The following TSNAX variants were observed in gnomAD, a reference collection of about 807,000 sequenced individuals.
TSNAX encodes the protein translin-associated protein X.
In TSNAX, 12 loss-of-function variants were observed where a neutral mutation model predicts 33.0. That is an observed-to-expected ratio of 0.36 (90% CI 0.23 to 0.59). The LOEUF is 0.59. Among genes scored for constraint, TSNAX ranks in the 20% least tolerant of loss-of-function variants. TSNAX has a pLI of 0.74. For synonymous variants in TSNAX, 110 were observed against 117.2 expected (o/e 0.94, Z 0.40); for missense variants, 267 against 341.3 (o/e 0.78, Z 1.72).
At position 231,542,565 on chromosome 1, in the gene TSNAX, G is replaced by A. The variant is rs762400810; in HGVS notation, c.321G>A (p.Glu107=). The change falls in exon 4 of 6, where the codon GAG becomes GAA. Residue 107 remains glutamate, a synonymous_variant. Transcript: ENST00000366639. ...AAAAGATATTCCAGGTAGCCCAAGA[G>A]CTATCAGGGGAAGATATGCATCAGT... The part of the protein sequence containing the change: ...VRQKIFQVAQ[E]LSGEDMHQFH... 2 of 1,614,036 alleles carry A rather than the reference G, an allele frequency of 1.2e-6. No homozygotes were observed. Among genetic ancestry groups the A allele is most frequent in the South Asian group, 2.2e-5 (2 of 91,086 alleles).
Position 231,565,118 on chromosome 1 carries a change from C to A in TSNAX, c.*213C>A. 1 of 549,376 alleles carries A rather than the reference C, an allele frequency of 1.8e-6. No homozygotes were observed. The highest frequency in any genetic ancestry group is 3.0e-6 in the Non-Finnish European group (1 of 333,446). 34.0% of individuals were successfully genotyped at this position (549,376 alleles called of 1,614,324 possible). On this transcript the variant is annotated 3_prime_UTR_variant, in exon 6 of 6. Transcript: ENST00000366639. ...ATGAAAGTTTGCATACAGATGTTTGCATATATGCCTTTTTGAATTTTTGCT... is the reference window on the plus strand; with the variant it reads ...ATGAAAGTTTGCATACAGATGTTTGAATATATGCCTTTTTGAATTTTTGCT...
chr1:231,538,432 T>G (rs184719984), intron 3 of TSNAX, among the ~76,000 whole-genome samples: 2 of 152,342 alleles, frequency 1.3e-5, no homozygotes, highest in African/African-American at 4.8e-5. Context: ...CACTATCTTA[T>G]GAGCAGCTGA....
At chr1:231,534,420 C>T (rs544760325) in intron 2 of TSNAX, 1 of 152,212 alleles carries the variant, frequency 6.6e-6, no homozygotes, top group South Asian at 2.1e-4. Context: ...AGTTCCGGTA[C>T]AGTAAGGTAT....
Position 231,564,817 on chromosome 1 carries a change from T to G in TSNAX, c.785T>G (p.Val262Gly). The G allele has an allele frequency of 2.5e-6, 4 of 1,614,164 alleles. No homozygotes were observed. Among genetic ancestry groups the G allele is most frequent in the Non-Finnish European group, 3.4e-6 (4 of 1,180,028 alleles). The change falls in exon 6 of 6, where the codon GTC (valine) becomes GGC (glycine). Residue 262 changes from valine (V) to glycine (G), a missense_variant. By Grantham distance (109) the Val-to-Gly change is moderately radical. Around this residue, in one of 2 missense-constraint regions of TSNAX, gnomAD observed 67 missense variants for 127.2 expected, o/e 0.53. Coordinates refer to ENST00000366639, the MANE Select transcript of TSNAX (RefSeq NM_005999.3). ...GAGAATGCTTGTTATGCCTTGAAAG[T>G]CAGAGGGTCAGAAATTCCAAAACAT... ...KVENACYALK[V>G]RGSEIPKHML...
chr1:231,545,694 A>G (rs60635711), intron 4 of TSNAX, among the ~76,000 whole-genome samples: 1 of 152,344 alleles, frequency 6.6e-6, no homozygotes, highest in African/African-American at 2.4e-5. Flanking sequence ...ATTTCGGTAC[A>G]CAAAACTAAG....
intron 4 of TSNAX, among the ~76,000 whole-genome samples, chr1:231,543,705 G>A (rs1278086033): frequency 6.6e-6 from 1 of 152,170 alleles, no homozygotes; most frequent in Non-Finnish European, 1.5e-5. Context: ...GTAAGAGAAA[G>A]TACCAGCATA....
Position 231,528,702 on chromosome 1 carries a change from A to G in TSNAX, c.-109A>G, listed in dbSNP as rs952388551. The G allele has an allele frequency of 2.3e-6, 3 of 1,328,230 alleles. No homozygotes were observed. Among genetic ancestry groups the G allele is most frequent in the Non-Finnish European group, 3.2e-6 (3 of 931,524 alleles). 82.3% of individuals were successfully genotyped at this position (1,328,230 alleles called of 1,614,324 possible). The stretch of plus-strand genomic sequence containing the variant: ...TGCGTTGTAGTCGGCCCGGCTGCAA[A>G]GCGTTTTTCTGCAGGCTGTTTTCCC... On this transcript the variant is annotated 5_prime_UTR_variant, in exon 1 of 6. Coordinates refer to ENST00000366639, the MANE Select transcript of TSNAX (RefSeq NM_005999.3).
intron 4 of TSNAX, among the ~76,000 whole-genome samples, chr1:231,554,376 C>T (rs777206229): frequency 9.9e-5 from 15 of 151,960 alleles, no homozygotes; most frequent in Non-Finnish European, 1.6e-4. Flanking sequence ...AAGGAATTTA[C>T]GGGAAAAAGT....
chr1:231,531,878 A>G (rs1459824128), intron 2 of TSNAX, among the ~76,000 whole-genome samples: 2 of 152,070 alleles, frequency 1.3e-5, no homozygotes, highest in Admixed American at 6.6e-5. Flanking sequence ...GAAATTTGCT[A>G]AGTAAGTAGA....
At chr1:231,540,953 G>A (rs551308631) in intron 3 of TSNAX, among the ~76,000 whole-genome samples, 35 of 152,236 alleles carry the variant, frequency 2.3e-4, no homozygotes, top group Admixed American at 5.9e-4. Context: ...TTATTAGAAC[G>A]TATATCTTTT....
intron 3 of TSNAX, among the ~76,000 whole-genome samples, chr1:231,541,772 T>C (rs564933155): frequency 6.6e-6 from 1 of 152,336 alleles, no homozygotes; most frequent in Admixed American, 6.5e-5. Flanking sequence ...GGGATTGTTC[T>C]GCCTGCTCAC....
chr1:231,553,665 C>T (rs1660487985), intron 4 of TSNAX, among the ~76,000 whole-genome samples: 1 of 150,644 alleles, frequency 6.6e-6, no homozygotes, highest in South Asian at 2.1e-4. Flanking sequence ...TAGCATGAAA[C>T]CTAATTTCTT....
chr1:231,531,148 G>A (rs1238333832), intron 2 of TSNAX, among the ~76,000 whole-genome samples: 1 of 152,038 alleles, frequency 6.6e-6, no homozygotes, highest in Non-Finnish European at 1.5e-5. Flanking sequence ...TGTAGAGACA[G>A]GGTTTCGCCA....
chr1:231,554,813 A>C (rs1660583010), intron 4 of TSNAX: 1 of 152,200 alleles, frequency 6.6e-6, no homozygotes, highest in African/African-American at 2.4e-5. Flanking sequence ...AGAAGCAGGT[A>C]AGATGGGAAG....
chr1:231,547,222 T>C (rs1399460406), intron 4 of TSNAX, among the ~76,000 whole-genome samples: 1 of 152,166 alleles, frequency 6.6e-6, no homozygotes, highest in Non-Finnish European at 1.5e-5. Context: ...CTTTTAGTTC[T>C]ACTACCTAAT....
chr1:231,546,659 A>C (rs377428734), intron 4 of TSNAX, among the ~76,000 whole-genome samples: 50 of 152,384 alleles, frequency 3.3e-4, no homozygotes, highest in African/African-American at 1.1e-3. Context: ...AGCTAAGTGC[A>C]GAAACAGATT....
At position 231,564,985 on chromosome 1, in the gene TSNAX, A is replaced by G; in HGVS notation, c.*80A>G. Reference sequence around the variant, plus strand: ...GTAAGACTTATTTAGTATTTCATTTAACTTTATTGTGGCTTTTACATAGAA... The same window carrying G: ...GTAAGACTTATTTAGTATTTCATTTGACTTTATTGTGGCTTTTACATAGAA... On this transcript the variant is annotated 3_prime_UTR_variant, in exon 6 of 6. Transcript: ENST00000366639. 1 of 1,486,334 alleles carries G rather than the reference A, an allele frequency of 6.7e-7. No individual in the cohort carries two copies. Among genetic ancestry groups the G allele is most frequent in the Non-Finnish European group, 9.0e-7 (1 of 1,108,746 alleles). 92.1% of individuals were successfully genotyped at this position (1,486,334 alleles called of 1,614,324 possible). A position where few individuals can be genotyped will look rare whatever the true frequency, so the allele number is the denominator to read the frequency against.
At chr1:231,540,004 G>T (rs1659461819) in intron 3 of TSNAX, among the ~76,000 whole-genome samples, 1 of 151,988 alleles carries the variant, frequency 6.6e-6, no homozygotes, top group Admixed American at 6.6e-5. Context: ...GGCCAACATG[G>T]CGAAACCCTG....
chr1:231,530,517 A>T (rs993822426), intron 2 of TSNAX, among the ~76,000 whole-genome samples: 1 of 152,006 alleles, frequency 6.6e-6, no homozygotes, highest in African/African-American at 2.4e-5. Flanking sequence ...ACATGGTGAA[A>T]CCCTGACTCT....
Sources: allele counts gnomAD v4.1 joint callset (sites outside exome capture counted in the v4.1 genomes callset), GRCh38; gene constraint gnomAD v4.1.1; regional missense constraint gnomAD v4.1.1; transcripts MANE v1.5; gene names NCBI Gene and HGNC (gene_info 2026-07-23, HGNC 2026-07-21).